Variants in NUP88 observed in about 807,000 individuals in gnomAD.
NUP88 encodes nuclear pore complex protein Nup88.
NUP88 carries 57 observed loss-of-function variants against 93.9 expected under a neutral mutation model. The observed-to-expected ratio is 0.61, with a 90% CI of 0.49 to 0.76. The LOEUF (loss-of-function observed/expected upper bound fraction) is 0.76. NUP88 is among the 30% of genes least tolerant of loss of function. The pLI is 0.00. For missense variants in NUP88, 911 were observed against 901.0 expected, an observed-to-expected ratio of 1.01 and a Z score of -0.14; for synonymous variants, 346 against 336.8, an observed-to-expected ratio of 1.03 and a Z score of -0.30.
intron 7 of NUP88, among the ~76,000 whole-genome samples, chr17:5,403,311 T>C (rs1440666698): frequency 6.6e-6 from 1 of 152,034 alleles, no homozygotes; most frequent in African/African-American, 2.4e-5. Context: ...CCCCCGTCTC[T>C]ACTAAAAATA....
At chr17:5,386,944 G>T in intron 15 of NUP88, 40 bp downstream of exon 15, 1 of 1,604,344 alleles carries the variant, frequency 6.2e-7, no homozygotes, top group Non-Finnish European at 8.5e-7. Context: ...AGTGCTTTAA[G>T]AAAAATTACC....
intron 9 of NUP88, among the ~76,000 whole-genome samples, chr17:5,393,374 G>C (rs1409867840): frequency 6.6e-6 from 1 of 151,702 alleles, no homozygotes; most frequent in Non-Finnish European, 1.5e-5. Flanking sequence ...GGGATTATAG[G>C]TGTAAGCCAC....
chr17:5,397,726 T>C (rs928444271), intron 8 of NUP88, among the ~76,000 whole-genome samples: 3 of 151,532 alleles, frequency 2.0e-5, no homozygotes, highest in Non-Finnish European at 4.4e-5. Context: ...TTCAGTCTTT[T>C]TACCATTAAG....
chr17:5,398,437 C>T (rs1047749463), intron 8 of NUP88, among the ~76,000 whole-genome samples: 1 of 151,808 alleles, frequency 6.6e-6, no homozygotes, highest in African/African-American at 2.4e-5. Flanking sequence ...TATAGGCGCA[C>T]ACCACCATGC....
intron 16 of NUP88, 140 bp from the exon 17 acceptor site, chr17:5,386,409 AAT>A (rs1163900016): frequency 1.4e-6 from 1 of 714,794 alleles, no homozygotes; most frequent in Non-Finnish European, 2.4e-6. Context: ...GGTGGATAGC[AAT>A]AGTGTTCACT....
At chr17:5,413,970 C>T (rs1265244012) in intron 3 of NUP88, 39 bp downstream of exon 3, 2 of 1,605,204 alleles carry the variant, frequency 1.2e-6, no homozygotes, top group South Asian at 2.2e-5. Context: ...ACAGAGCTTT[C>T]CCACTCGCAA....
At chr17:5,412,897 A>G (rs1913923026) in intron 3 of NUP88, among the ~76,000 whole-genome samples, 1 of 152,206 alleles carries the variant, frequency 6.6e-6, no homozygotes, top group South Asian at 2.1e-4. Flanking sequence ...CCTATGTTCC[A>G]AAGTGCTGGG....
rs1435509509 is a variant in NUP88, at chr17:5,386,114, T to A, written c.*92A>T. The A allele has an allele frequency of 2.1e-6, 2 of 959,102 alleles. No homozygotes were observed. The highest frequency in any genetic ancestry group is 3.4e-5 in the African/African-American group (2 of 59,436). The allele number at this position is 959,102 out of a possible 1,614,324, so 59.4% of individuals were successfully genotyped here. ...CCACACCAAAGGTCATCAAAACACC[T>A]TTTTATAAATTAGATAATTCTACCT... On this transcript the variant is annotated 3_prime_UTR_variant, in exon 17 of 17. Transcript: ENST00000573584.
chr17:5,387,682 A>G lies in NUP88; in HGVS notation c.1770-12T>C. ...ATAATAATTTGACCCTTTAAAAACA[A>G]AAAGAAATAGAGTTTATTCAGAAGC... On this transcript the variant is annotated splice_polypyrimidine_tract_variant and intron_variant, in intron 12 of 16. Coordinates refer to ENST00000573584, the MANE Select transcript of NUP88 (RefSeq NM_002532.6). 6.2e-7 allele frequency: 1 copy of G among 1,611,090 alleles called. No individual in the cohort carries two copies. The highest frequency in any genetic ancestry group is 8.5e-7 in the Non-Finnish European group (1 of 1,178,520).
intron 4 of NUP88, among the ~76,000 whole-genome samples, chr17:5,410,110 T>A (rs1321726810): frequency 6.6e-6 from 1 of 152,174 alleles, no homozygotes; most frequent in Non-Finnish European, 1.5e-5. Context: ...CTGATTAAAC[T>A]TAGATTAAAG....
rs771405247 is a variant in NUP88 at position 5,387,647 on chromosome 17, T to C, written c.1793A>G (p.Lys598Arg). 30 of 1,613,308 alleles carry C rather than the reference T, an allele frequency of 1.9e-5. No individual in the cohort carries two copies. The South Asian group carries it at 2.7e-4, about 15-fold the overall frequency. ...QRRVKLLCDQKKKQLEDLSYC... is the reference protein window; with the variant it reads ...QRRVKLLCDQRKKQLEDLSYC... ...ACTGAGATCTTCTAGTTGTTTCTTT[T>C]TTTGGTCACATAATAATTTGACCCT... The change falls in exon 13 of 17, where the codon AAA becomes AGA. Residue 598 changes from lysine (K) to arginine (R), a missense_variant. By Grantham distance (26) the Lys-to-Arg change is conservative. Coordinates refer to ENST00000573584, the MANE Select transcript of NUP88 (RefSeq NM_002532.6).
rs1233062576 is a variant in NUP88, at chr17:5,385,183, T to C, written c.*1023A>G. 1 of 229,934 alleles carries C rather than the reference T, an allele frequency of 4.3e-6. No individual in the cohort carries two copies. Among genetic ancestry groups the C allele is most frequent in the Non-Finnish European group, 8.6e-6 (1 of 116,106 alleles). 14.2% of individuals were successfully genotyped at this position (229,934 alleles called of 1,614,324 possible). The stretch of plus-strand genomic sequence containing the variant: ...CCAAACTGAGACTCTTAAGTTTTGT[T>C]TAGCAATGTGTTTCTGGTATGAAAC... On this transcript the variant is annotated 3_prime_UTR_variant, in exon 17 of 17. Transcript: ENST00000573584.
intron 2 of NUP88, 126 bp from the exon 3 acceptor site, chr17:5,414,260 A>G (rs1418667895): frequency 2.7e-6 from 2 of 728,274 alleles, no homozygotes; most frequent in African/African-American, 3.6e-5. Context: ...TAACGGCACA[A>G]TCTCGGCTCA....
rs1385666509 is a variant in NUP88, at chr17:5,410,584, T to G, written c.680+119A>C. ...CTGTTCTACTAAAAATACACTTACT[T>G]CTCACATTACCAAAAGCATGCTAGT... On this transcript the variant is annotated intron_variant, in intron 4 of 16. Coordinates refer to ENST00000573584, the MANE Select transcript of NUP88 (RefSeq NM_002532.6). 51 of 660,944 alleles carry G rather than the reference T, an allele frequency of 7.7e-5. No individual in the cohort carries two copies. The Admixed American group carries it at 1.3e-3, about 17-fold the overall frequency. 40.9% of individuals were successfully genotyped at this position (660,944 alleles called of 1,614,324 possible).
chr17:5,391,360 G>A, intron 10 of NUP88: 1 of 521,172 alleles, frequency 1.9e-6, no homozygotes, highest in Non-Finnish European at 3.4e-6. Context: ...TAGGTGCAGG[G>A]GATGCCAGAA....
chr17:5,387,400 CTCT>C lies in NUP88; in HGVS notation c.1899_1901del (p.Glu634del), dbSNP rs776532930. On this transcript the variant is annotated inframe_deletion, in exon 14 of 17. Coordinates refer to ENST00000573584, the MANE Select transcript of NUP88 (RefSeq NM_002532.6). Reference sequence around the variant, plus strand: ...AGCCCACTGACCTGTTCATGATATCCTCTTGTTTTTCTTTAGCTTCCTCATATT... The same window carrying C: ...AGCCCACTGACCTGTTCATGATATCCTGTTTTTCTTTAGCTTCCTCATATT... 15 of 1,613,978 alleles carry C rather than the reference CTCT, an allele frequency of 9.3e-6. No individual in the cohort carries two copies. Among genetic ancestry groups the C allele is most frequent in the Admixed American group, 3.3e-5 (2 of 60,026 alleles).
intron 8 of NUP88, among the ~76,000 whole-genome samples, chr17:5,395,540 T>TA (rs926029584): frequency 9.9e-5 from 15 of 151,700 alleles, no homozygotes; most frequent in African/African-American, 3.4e-4. Context: ...ACAGCTTTAT[T>TA]TTTTTTTGGA....
At chr17:5,406,288 A>C (rs1253752148) in intron 5 of NUP88, among the ~76,000 whole-genome samples, 1 of 152,242 alleles carries the variant, frequency 6.6e-6, no homozygotes, top group Admixed American at 6.5e-5. Context: ...AGATCAGTTT[A>C]TGCAAAGTCC....
rs528619938 is a variant in NUP88, at chr17:5,398,470, G to A, written c.1291+1082C>T. ...TGCCTGGCTAATTTTTGTATTTTTA[G>A]TAGAGACGGGGTTTCGCCATGTTGA... On this transcript the variant is annotated intron_variant, in intron 8 of 16. Coordinates refer to ENST00000573584, the MANE Select transcript of NUP88 (RefSeq NM_002532.6). 2.6e-3 allele frequency among the ~76,000 whole-genome samples: 391 copies of A among 151,992 alleles called. 1 individual carries two copies. The highest frequency in any genetic ancestry group is 4.1e-3 in the Non-Finnish European group (281 of 67,986).
Sources: allele counts gnomAD v4.1 joint callset (sites outside exome capture counted in the v4.1 genomes callset), GRCh38; gene constraint gnomAD v4.1.1; transcripts MANE v1.5; gene names NCBI Gene and HGNC (gene_info 2026-07-23, HGNC 2026-07-21).